KIAA1328: variants seen among roughly 807,000 people sequenced by gnomAD.
KIAA1328 encodes KIAA1328.
Under a neutral mutation model 68.1 loss-of-function variants are expected in KIAA1328, and 52 were observed. The observed-to-expected ratio is 0.76, with a 90% CI of 0.61 to 0.96. The LOEUF is 0.96. Ranked by LOEUF, KIAA1328 falls within the 40% of genes least tolerant of loss-of-function variation. The pLI, the probability that KIAA1328 is intolerant of heterozygous loss-of-function variation, is 0.00. For synonymous variants in KIAA1328, 232 were observed against 239.4 expected, an observed-to-expected ratio of 0.97 and a Z score of 0.28; for missense variants, 641 against 677.6, an observed-to-expected ratio of 0.95 and a Z score of 0.60.
At chr18:36,895,821 G>T (rs1445743250) in intron 5 of KIAA1328, 2 of 455,482 alleles carry the variant, frequency 4.4e-6, no homozygotes, top group Non-Finnish European at 8.8e-6. Flanking sequence ...TCCAATGACT[G>T]TTGTCCTAGA....
chr18:37,082,748 G>A (rs974622224), intron 7 of KIAA1328, among the ~76,000 whole-genome samples: 2 of 152,150 alleles, frequency 1.3e-5, no homozygotes, highest in Admixed American at 1.3e-4. Flanking sequence ...TTTCGAAAGG[G>A]TATTATTTTT....
chr18:36,830,396 C>T (rs1167765122), intron 1 of KIAA1328, among the ~76,000 whole-genome samples: 1 of 152,184 alleles, frequency 6.6e-6, no homozygotes, highest in African/African-American at 2.4e-5. Flanking sequence ...TTTTCCTTTA[C>T]CTTTCAGAAG....
rs540895727 is a variant in KIAA1328 at position 36,891,619 on chromosome 18, G to GT, written c.448+5948dup. ...AATAATGGCCTCCAGCTCCATCCAA[G>GT]TGGCAGCAAAGGTCATTATTCCATT... is the stretch of plus-strand genomic sequence containing the variant. On this transcript the variant is annotated intron_variant, in intron 5 of 9. Transcript: ENST00000280020. 1.1e-3 allele frequency among the ~76,000 whole-genome samples: 173 copies of GT among 152,280 alleles called. 1 individual carries two copies. Among genetic ancestry groups the GT allele is most frequent in the African/African-American group, 4.0e-3 (166 of 41,568 alleles).
chr18:36,917,471 C>T (rs532733635), intron 5 of KIAA1328, among the ~76,000 whole-genome samples: 4 of 152,282 alleles, frequency 2.6e-5, no homozygotes, highest in Admixed American at 2.6e-4. Context: ...ATCCTCCTGC[C>T]TCAGTCTCCT....
chr18:37,193,739 G>A, intron 9 of KIAA1328: 1 of 628,600 alleles, frequency 1.6e-6, no homozygotes, highest in Non-Finnish European at 2.9e-6. Context: ...GTGAGAAACA[G>A]AAAACTGAAT....
chr18:37,005,194 T>C (rs1296136041), intron 6 of KIAA1328, among the ~76,000 whole-genome samples: 1 of 151,998 alleles, frequency 6.6e-6, no homozygotes, highest in Non-Finnish European at 1.5e-5. Flanking sequence ...AAGCACTTAC[T>C]CATGTAACCA....
At chr18:36,924,993 A>AAAGTTT (rs1477947521) in intron 5 of KIAA1328, 1 of 152,214 alleles carries the variant, frequency 6.6e-6, no homozygotes, top group Non-Finnish European at 1.5e-5. Context: ...TGAATTTGTA[A>AAAGTTT]AGGGTCATTG....
At chr18:36,924,534 T>C (rs967732450) in intron 5 of KIAA1328, among the ~76,000 whole-genome samples, 7 of 152,046 alleles carry the variant, frequency 4.6e-5, no homozygotes, top group Non-Finnish European at 8.8e-5. Flanking sequence ...AGAAAACGAG[T>C]ATGACTATAC....
rs558746796 is a variant in KIAA1328 at position 37,131,780 on chromosome 18, G to A, written c.1233-28420G>A. 2.6e-5 allele frequency among the ~76,000 whole-genome samples: 4 copies of A among 152,240 alleles called. No homozygotes were observed. The East Asian group carries it at 7.7e-4, about 29-fold the overall frequency. ...ATATATAACTGTTAACATTAAGGTAGCATGATTGATTTAAACTAGTCACAC... is the reference window on the plus strand; with the variant it reads ...ATATATAACTGTTAACATTAAGGTAACATGATTGATTTAAACTAGTCACAC... On this transcript the variant is annotated intron_variant, in intron 7 of 9. Transcript: ENST00000280020.
At chr18:37,170,277 C>G (rs993422854) in intron 8 of KIAA1328, among the ~76,000 whole-genome samples, 4 of 152,184 alleles carry the variant, frequency 2.6e-5, no homozygotes, top group Admixed American at 2.6e-4. Flanking sequence ...CAGAGCCAAA[C>G]AGACCTTGAT....
rs563410931 is a variant in KIAA1328, at chr18:37,179,481, A to C, written c.1523+6400A>C. On this transcript the variant is annotated intron_variant, in intron 9 of 9. Coordinates refer to ENST00000280020, the MANE Select transcript of KIAA1328 (RefSeq NM_020776.3). The stretch of plus-strand genomic sequence containing the variant: ...ACCATATGTTTAATGTGTTCTGAAA[A>C]TTTTGCTGTAAGCTCATGCCTTGCT... Among the ~76,000 whole-genome samples, 12 of 151,950 alleles carry C rather than the reference A, an allele frequency of 7.9e-5. No homozygotes were observed. The South Asian group carries it at 2.1e-3, about 27-fold the overall frequency.
At chr18:36,993,622 A>T (rs1477027935) in intron 6 of KIAA1328, among the ~76,000 whole-genome samples, 1 of 152,226 alleles carries the variant, frequency 6.6e-6, no homozygotes, top group Non-Finnish European at 1.5e-5. Flanking sequence ...AGATAAAGAT[A>T]TAACTGTAGA....
intron 9 of KIAA1328, among the ~76,000 whole-genome samples, chr18:37,199,798 T>C (rs2060073348): frequency 6.6e-6 from 1 of 152,244 alleles, no homozygotes; most frequent in Non-Finnish European, 1.5e-5. Flanking sequence ...CTGACTGGTA[T>C]GAGATGGCAT....
In KIAA1328 at chr18:37,200,607, C is replaced by T. The variant is rs568343779; in HGVS notation, c.1524-21410C>T. 7.3e-5 allele frequency among the ~76,000 whole-genome samples: 11 copies of T among 151,566 alleles called. No homozygotes were observed. In the South Asian group the frequency reaches 2.1e-3, roughly 29 times the overall value. The stretch of plus-strand genomic sequence containing the variant: ...CGGGTGGATCATGAGGTCAGGAGAT[C>T]GAGACCATCCTGGCTAACAAGGTGA... On this transcript the variant is annotated intron_variant, in intron 9 of 9. Coordinates refer to ENST00000280020, the MANE Select transcript of KIAA1328 (RefSeq NM_020776.3).
chr18:36,948,986 G>A (rs1462948441), intron 5 of KIAA1328, among the ~76,000 whole-genome samples: 3 of 152,200 alleles, frequency 2.0e-5, no homozygotes, highest in African/African-American at 4.8e-5. Flanking sequence ...AGCTTAGTGT[G>A]CAGACCATTT....
intron 8 of KIAA1328, 44 bp downstream of exon 8, chr18:37,160,425 GAA>G (rs769814965): frequency 6.5e-7 from 1 of 1,530,972 alleles, no homozygotes; most frequent in South Asian, 1.2e-5. Flanking sequence ...ACTGGTAGGG[GAA>G]GGTAGTTGCT....
chr18:37,110,390 A>T (rs768547663), intron 7 of KIAA1328, among the ~76,000 whole-genome samples: 4 of 152,340 alleles, frequency 2.6e-5, no homozygotes, highest in Non-Finnish European at 5.9e-5. Flanking sequence ...TGCCTATAAG[A>T]CCTTTATGTG....
intron 5 of KIAA1328, among the ~76,000 whole-genome samples, chr18:36,908,177 ATAAAACT>A (rs1324244736): frequency 6.6e-6 from 1 of 152,190 alleles, no homozygotes; most frequent in Non-Finnish European, 1.5e-5. Context: ...AAAGGAATGC[ATAAAACT>A]TAGTTGTTTT....
At chr18:36,994,019 T>C (rs2053293649) in intron 6 of KIAA1328, among the ~76,000 whole-genome samples, 1 of 151,872 alleles carries the variant, frequency 6.6e-6, no homozygotes. Flanking sequence ...ATGAAAGAAT[T>C]ACAACAATTG....
Sources: allele counts gnomAD v4.1 joint callset (sites outside exome capture counted in the v4.1 genomes callset), GRCh38; gene constraint gnomAD v4.1.1; transcripts MANE v1.5; gene names NCBI Gene and HGNC (gene_info 2026-07-23, HGNC 2026-07-21).